Variants in NAV2 observed in about 807,000 individuals in gnomAD.
The protein encoded by NAV2 is helicase, APC down-regulated 1.
In NAV2, 54 loss-of-function variants were observed where a neutral mutation model predicts 223.2. The ratio of observed to expected loss-of-function variants is 0.24; its 90% CI spans 0.19 to 0.30. The LOEUF (loss-of-function observed/expected upper bound fraction) is 0.30. Among genes scored for constraint, NAV2 ranks in the 10% least tolerant of loss-of-function variants. NAV2 has a pLI of 1.00. For synonymous variants in NAV2, 1,279 were observed against 1,239.3 expected, an observed-to-expected ratio of 1.03 and a Z score of -0.67; for missense variants, 2,806 against 3,147.5, an observed-to-expected ratio of 0.89 and a Z score of 2.60.
intron 11 of NAV2, among the ~76,000 whole-genome samples, chr11:20,017,569 T>C (rs1011864229): frequency 6.6e-6 from 1 of 152,224 alleles, no homozygotes; most frequent in Admixed American, 6.5e-5. Flanking sequence ...TTTTGCTTGT[T>C]TGTCTCCTCC....
chr11:19,840,553 C>T (rs1400593507), intron 2 of NAV2, among the ~76,000 whole-genome samples: 1 of 152,124 alleles, frequency 6.6e-6, no homozygotes, highest in Non-Finnish European at 1.5e-5. Flanking sequence ...TTGGAAGACA[C>T]CTTGACTGGC....
At chr11:19,788,674 T>C (rs2152714477) in intron 1 of NAV2, among the ~76,000 whole-genome samples, 1 of 152,346 alleles carries the variant, frequency 6.6e-6, no homozygotes, top group East Asian at 1.9e-4. Context: ...CTCTCTCTCC[T>C]GTACCTCCTT....
At position 19,457,858 on chromosome 11, in the gene NAV2, T is replaced by C. The variant is rs1042722203; in HGVS notation, c.75+106831T>C. On this transcript the variant is annotated intron_variant, in intron 1 of 37. Coordinates refer to the NAV2 transcript ENST00000360655. ...GTCTTGCAGATGAGTTGCAAACTCATGTTTTGCCCCCAAGAAATAATTACA... is the reference window on the plus strand; with the variant it reads ...GTCTTGCAGATGAGTTGCAAACTCACGTTTTGCCCCCAAGAAATAATTACA... Among the ~76,000 whole-genome samples the C allele has an allele frequency of 2.6e-5, 4 of 152,262 alleles. No homozygotes were observed. In the South Asian group the frequency reaches 6.2e-4, roughly 24 times the overall value.
Position 19,623,269 on chromosome 11 carries a change from C to G in NAV2, c.76-209215C>G, listed in dbSNP as rs58442418. Reference sequence around the variant, plus strand: ...TGGAGTTGCTCTTCTAGAGGAGTATCTTTGTGGCATTCTCTGTATTTCCTG... The same window carrying G: ...TGGAGTTGCTCTTCTAGAGGAGTATGTTTGTGGCATTCTCTGTATTTCCTG... On this transcript the variant is annotated intron_variant, in intron 1 of 37. Coordinates refer to the NAV2 transcript ENST00000360655. 8.5e-3 allele frequency among the ~76,000 whole-genome samples: 1,298 copies of G among 152,176 alleles called. 21 individuals carry two copies. Among genetic ancestry groups the G allele is most frequent in the African/African-American group, 0.028 (1,151 of 41,496 alleles).
intron 1 of NAV2, among the ~76,000 whole-genome samples, chr11:19,443,898 A>G (rs1242219246): frequency 6.6e-6 from 1 of 152,228 alleles, no homozygotes; most frequent in African/African-American, 2.4e-5. Context: ...TGAGTGTTCA[A>G]TAAGGGACAA....
At chr11:19,833,021 T>A (rs1017548451) in intron 2 of NAV2, among the ~76,000 whole-genome samples, 16 of 152,156 alleles carry the variant, frequency 1.1e-4, no homozygotes, top group Admixed American at 6.5e-4. Flanking sequence ...TCTACTTGGG[T>A]CTGACAAATC....
chr11:19,828,502 G>A (rs2059766275), intron 1 of NAV2, among the ~76,000 whole-genome samples: 1 of 152,226 alleles, frequency 6.6e-6, no homozygotes, highest in South Asian at 2.1e-4. Flanking sequence ...CATTCATGTT[G>A]TAACATGTTT....
chr11:19,416,717 C>T (rs554239314), intron 1 of NAV2, among the ~76,000 whole-genome samples: 31 of 152,236 alleles, frequency 2.0e-4, no homozygotes, highest in African/African-American at 3.9e-4. Context: ...CTACAATAAC[C>T]GAAACAGCAA....
intron 11 of NAV2, among the ~76,000 whole-genome samples, chr11:20,014,917 AATATAAAT>A (rs200235725): frequency 0.019 from 2 of 104 alleles, no homozygotes; most frequent in African/African-American, 0.056. Flanking sequence ...TAAATAAATA[AATATAAAT>A]ATAAATATAA....
chr11:19,896,634 G>A (rs938773530), intron 6 of NAV2, among the ~76,000 whole-genome samples: 1 of 152,180 alleles, frequency 6.6e-6, no homozygotes, highest in Non-Finnish European at 1.5e-5. Flanking sequence ...CAATTCATAG[G>A]CTTTAATGTG....
intron 1 of NAV2, among the ~76,000 whole-genome samples, chr11:19,617,727 A>G (rs1452495254): frequency 6.6e-6 from 1 of 152,200 alleles, no homozygotes; most frequent in East Asian, 1.9e-4. Flanking sequence ...AAGCAGTACA[A>G]CAATGATCTG....
intron 19 of NAV2, chr11:20,056,501 G>A (rs751038819): frequency 2.7e-6 from 4 of 1,508,118 alleles, no homozygotes; most frequent in Non-Finnish European, 3.7e-6. Context: ...TTTGGGGTTG[G>A]ATTTTTATGT....
At chr11:19,959,214 AT>A (rs2048149859) in intron 10 of NAV2, among the ~76,000 whole-genome samples, 1 of 152,134 alleles carries the variant, frequency 6.6e-6, no homozygotes, top group Non-Finnish European at 1.5e-5. Flanking sequence ...GGTGGGTTGA[AT>A]GTTTAAGGAG....
intron 1 of NAV2, among the ~76,000 whole-genome samples, chr11:19,497,579 T>G (rs2042837505): frequency 6.6e-6 from 1 of 152,170 alleles, no homozygotes; most frequent in African/African-American, 2.4e-5. Context: ...TTGTCCCTAC[T>G]CATCCATGGT....
chr11:19,990,991 T>C (rs1333538019), intron 11 of NAV2, among the ~76,000 whole-genome samples: 2 of 152,218 alleles, frequency 1.3e-5, no homozygotes, highest in East Asian at 3.9e-4. Context: ...GTCACTTAAC[T>C]GCCCTGAGTT....
chr11:19,498,172 TCAC>T (rs1336597928), intron 1 of NAV2, among the ~76,000 whole-genome samples: 1 of 152,144 alleles, frequency 6.6e-6, no homozygotes, highest in African/African-American at 2.4e-5. Flanking sequence ...CTATCCCTAT[TCAC>T]CATGTGGCTC....
intron 1 of NAV2, among the ~76,000 whole-genome samples, chr11:19,517,754 C>T (rs2043503829): frequency 6.6e-6 from 1 of 152,192 alleles, no homozygotes. Context: ...CCTGGTGTCC[C>T]CTAAGACCCT....
intron 4 of NAV2, 134 bp from the exon 5 acceptor site, chr11:19,879,735 G>A: frequency 9.9e-7 from 1 of 1,011,280 alleles, no homozygotes; most frequent in Non-Finnish European, 1.5e-6. Context: ...GATTTTAATT[G>A]CCTGTGATAC....
intron 1 of NAV2, among the ~76,000 whole-genome samples, chr11:19,446,697 A>G (rs992137887): frequency 6.6e-6 from 1 of 152,164 alleles, no homozygotes; most frequent in Non-Finnish European, 1.5e-5. Context: ...TCATTAATGC[A>G]AACAGCTGAA....
Sources: gnomAD v4.1 joint callset for allele counts (sites outside exome capture counted in the v4.1 genomes callset) on GRCh38, gnomAD v4.1.1 for gene constraint, MANE v1.5 for transcripts, NCBI Gene and HGNC (gene_info 2026-07-23, HGNC 2026-07-21) for gene names.